The following KIF13A variants were observed in gnomAD, a reference collection of about 807,000 sequenced individuals.
The protein encoded by KIF13A is kinesin-like protein KIF13A.
Under a neutral mutation model 212.2 loss-of-function variants are expected in KIF13A, and 79 were observed. The ratio of observed to expected loss-of-function variants is 0.37; its 90% CI spans 0.31 to 0.45. KIF13A has a LOEUF of 0.45. Ranked by LOEUF, KIF13A falls within the 20% of genes least tolerant of loss-of-function variation. KIF13A has a pLI of 1.00. For missense variants in KIF13A, 1,901 were observed against 2,209.0 expected (o/e 0.86, Z 2.79); for synonymous variants, 789 against 808.6 (o/e 0.98, Z 0.41).
At position 17,775,969 on chromosome 6, in the gene KIF13A, C is replaced by T. The variant is rs936334355; in HGVS notation, c.4171-907G>A. On this transcript the variant is annotated intron_variant, in intron 34 of 38. Transcript: ENST00000259711. ...CAATCTCGGCGCACCGCAATCTCCT[C>T]CTGGGTTCAAGCGATTCTCCTGCCT... is the stretch of plus-strand genomic sequence containing the variant. Among the ~76,000 whole-genome samples the T allele has an allele frequency of 9.2e-5, 14 of 152,224 alleles. No individual in the cohort carries two copies. The East Asian group carries it at 2.3e-3, about 25-fold the overall frequency.
At chr6:17,863,790 TG>T (rs1769088733) in intron 4 of KIF13A, among the ~76,000 whole-genome samples, 2 of 152,296 alleles carry the variant, frequency 1.3e-5, no homozygotes, top group Admixed American at 6.5e-5. Flanking sequence ...GAAGGATTTT[TG>T]TTTTTTTTGT....
At chr6:17,973,686 G>A (rs1018917840) in intron 2 of KIF13A, among the ~76,000 whole-genome samples, 6 of 152,120 alleles carry the variant, frequency 3.9e-5, no homozygotes, top group Admixed American at 3.9e-4. Flanking sequence ...AAACCTAGCT[G>A]CAAAAGGATC....
At chr6:17,832,141 T>C (rs1259173321) in intron 12 of KIF13A, among the ~76,000 whole-genome samples, 1 of 152,168 alleles carries the variant, frequency 6.6e-6, no homozygotes, top group East Asian at 1.9e-4. Flanking sequence ...CAGTGACTGC[T>C]GTTAAGCTAC....
rs1760543332 is a variant in KIF13A at position 17,781,222 on chromosome 6, G to A, written c.3624C>T (p.Gly1208=). 1.2e-6 allele frequency: 2 copies of A among 1,613,900 alleles called. No homozygotes were observed. The highest frequency in any genetic ancestry group is 1.3e-5 in the African/African-American group (1 of 75,038). Residue 1208 remains glycine, a synonymous_variant, in exon 30 of 39, where the codon GGC becomes GGT. Coordinates refer to ENST00000259711, the MANE Select transcript of KIF13A (RefSeq NM_022113.6). The stretch of plus-strand genomic sequence containing the variant: ...TGATGGGCAGGTAGAAAAACTGGCT[G>A]CCATGCTCCTTGGGCAGGATGGAGT... ...GVNSILPKEH[G]SQFFYLPIIK... is the part of the protein sequence containing the mutation.
intron 16 of KIF13A, among the ~76,000 whole-genome samples, chr6:17,819,379 G>A (rs1038647583): frequency 3.9e-5 from 6 of 152,016 alleles, no homozygotes; most frequent in Non-Finnish European, 5.9e-5. Context: ...CCTGGCCAAC[G>A]TGATGAGACC....
chr6:17,987,032 G>T lies in KIF13A; in HGVS notation c.146+22C>A. The T allele has an allele frequency of 1.3e-6, 2 of 1,584,718 alleles. No homozygotes were observed. The highest frequency in any genetic ancestry group is 2.2e-5 in the East Asian group (1 of 44,602). ...CCCGCGAGGCTGGATCCTCCCAGCCGCCCTCTCGGAACCCGCTTTACCTTT... is the reference window on the plus strand; with the variant it reads ...CCCGCGAGGCTGGATCCTCCCAGCCTCCCTCTCGGAACCCGCTTTACCTTT... On this transcript the variant is annotated intron_variant, in intron 2 of 38. Transcript: ENST00000259711. This position sits in a 1 kb window ranked among gnomAD's most constrained non-coding sequence, Gnocchi z 7.7.
At chr6:17,802,459 T>G (rs754727562) in intron 20 of KIF13A, among the ~76,000 whole-genome samples, 2 of 151,670 alleles carry the variant, frequency 1.3e-5, no homozygotes, top group Non-Finnish European at 2.9e-5. Context: ...GCCGGCTAAT[T>G]TTGTATTTTT....
intron 25 of KIF13A, among the ~76,000 whole-genome samples, chr6:17,791,431 C>G (rs1250133554): frequency 6.7e-6 from 1 of 148,516 alleles, no homozygotes; most frequent in African/African-American, 2.5e-5. Flanking sequence ...AAACACTTAA[C>G]AGACGTGACC....
At position 17,777,421 on chromosome 6, in the gene KIF13A, T is replaced by C; in HGVS notation, c.4093-67A>G. On this transcript the variant is annotated intron_variant, in intron 33 of 38. Transcript: ENST00000259711. This position sits in a 1 kb window ranked among gnomAD's most constrained non-coding sequence, Gnocchi z 4.4. ...TCCCCAGAGACAGAGTCTCACTCTG[T>C]TGCCCAGGCTGGAGTGTAGTGATGC... 7.5e-7 allele frequency: 1 copy of C among 1,327,914 alleles called. No individual in the cohort carries two copies. The highest frequency in any genetic ancestry group is 1.1e-6 in the Non-Finnish European group (1 of 943,636). 82.3% of individuals were successfully genotyped at this position (1,327,914 alleles called of 1,614,324 possible).
rs1451092622 is a variant in KIF13A, at chr6:17,826,650, TCTAAGAGGAATA to T, written c.1533-538_1533-527del. On this transcript the variant is annotated intron_variant, in intron 14 of 38. Coordinates refer to ENST00000259711, the MANE Select transcript of KIF13A (RefSeq NM_022113.6). This position sits in a 1 kb window ranked among gnomAD's most constrained non-coding sequence, Gnocchi z 4.7. ...GAGGAAACCCATTTGTTAAAAGAGA[TCTAAGAGGAATA>T]CTATAAAACAATGGTAGGATCTTAT... is the stretch of plus-strand genomic sequence containing the variant. Among the ~76,000 whole-genome samples the T allele has an allele frequency of 6.6e-6, 1 of 152,006 alleles. No individual in the cohort carries two copies. Among genetic ancestry groups the T allele is most frequent in the African/African-American group, 2.4e-5 (1 of 41,378 alleles).
intron 9 of KIF13A, among the ~76,000 whole-genome samples, chr6:17,846,855 C>A (rs560296256): frequency 6.6e-6 from 1 of 152,166 alleles, no homozygotes; most frequent in South Asian, 2.1e-4. Context: ...GAATGCACAG[C>A]CATCCCCACA....
rs1759489650 is a variant in KIF13A, at chr6:17,771,501, A to G, written c.4477-283T>C. ...CAGTGCCTTGGGAGGCTGGGGCAAA[A>G]GAATCACTTGAGGCCAGGAGTTTCA... is the stretch of plus-strand genomic sequence containing the variant. On this transcript the variant is annotated intron_variant, in intron 37 of 38. Coordinates refer to ENST00000259711, the MANE Select transcript of KIF13A (RefSeq NM_022113.6). The surrounding 1 kb of genome is among the most constrained non-coding windows in gnomAD (Gnocchi z 5.4). 2.4e-6 allele frequency: 1 copy of G among 421,296 alleles called. No homozygotes were observed. The highest frequency in any genetic ancestry group is 2.1e-5 in the African/African-American group (1 of 48,638). The allele number at this position is 421,296 out of a possible 1,614,324, so 26.1% of individuals were successfully genotyped here. A position where few individuals can be genotyped will look rare whatever the true frequency, so the allele number is the denominator to read the frequency against.
chr6:17,906,717 G>C (rs1037464668), intron 2 of KIF13A, among the ~76,000 whole-genome samples: 2 of 152,026 alleles, frequency 1.3e-5, no homozygotes, highest in African/African-American at 4.8e-5. Flanking sequence ...CTCAAAGTGA[G>C]GCTGAGATTA....
intron 3 of KIF13A, among the ~76,000 whole-genome samples, chr6:17,878,359 C>T (rs1005923496): frequency 3.3e-4 from 49 of 150,702 alleles, no homozygotes; most frequent in African/African-American, 1.1e-3. Context: ...TTATTCACTT[C>T]TTCAGTTATT....
At chr6:17,966,365 C>T (rs1004702953) in intron 2 of KIF13A, among the ~76,000 whole-genome samples, 2 of 151,620 alleles carry the variant, frequency 1.3e-5, no homozygotes, top group African/African-American at 4.8e-5. Flanking sequence ...CCTAGTATAC[C>T]CATTAGAATT....
At chr6:17,874,081 G>A (rs1384906799) in intron 3 of KIF13A, among the ~76,000 whole-genome samples, 1 of 152,020 alleles carries the variant, frequency 6.6e-6, no homozygotes, top group Non-Finnish European at 1.5e-5. Context: ...CATGGTTTCA[G>A]CAACCATGGA....
chr6:17,973,636 TACAG>T (rs755769500), intron 2 of KIF13A, among the ~76,000 whole-genome samples: 10 of 152,256 alleles, frequency 6.6e-5, no homozygotes, highest in Non-Finnish European at 1.3e-4. Flanking sequence ...AAAAAACCCT[TACAG>T]ACTATCTAGT....
chr6:17,767,277 G>A (rs1044412203), intron 38 of KIF13A, among the ~76,000 whole-genome samples: 8 of 146,406 alleles, frequency 5.5e-5, no homozygotes, highest in African/African-American at 1.0e-4. Context: ...TTTTTGAGAC[G>A]AAGTCTCACT....
chr6:17,785,444 C>G lies in KIF13A; in HGVS notation c.3488+71G>C. 1.4e-6 allele frequency: 2 copies of G among 1,426,916 alleles called. No homozygotes were observed. Among genetic ancestry groups the G allele is most frequent in the South Asian group, 3.1e-5 (2 of 65,268 alleles). 88.4% of individuals were successfully genotyped at this position (1,426,916 alleles called of 1,614,324 possible). A position where few individuals can be genotyped will look rare whatever the true frequency, so the allele number is the denominator to read the frequency against. On this transcript the variant is annotated intron_variant, in intron 28 of 38. Coordinates refer to ENST00000259711, the MANE Select transcript of KIF13A (RefSeq NM_022113.6). This position sits in a 1 kb window ranked among gnomAD's most constrained non-coding sequence, Gnocchi z 5.8. ...TTTCTGTGACAATCCTGGAAAGTCT[C>G]TTGCATGGCTCTTGCCACAGGCGAC...
Sources: gnomAD v4.1 joint callset for allele counts (sites outside exome capture counted in the v4.1 genomes callset) on GRCh38, gnomAD v4.1.1 for gene constraint, Gnocchi (gnomAD v3.1) non-coding constraint, MANE v1.5 for transcripts, NCBI Gene and HGNC (gene_info 2026-07-23, HGNC 2026-07-21) for gene names.